RPS6KA2: variants seen among roughly 807,000 people sequenced by gnomAD.
RPS6KA2 encodes ribosomal protein S6 kinase A2, also known as ribosomal protein S6 kinase alpha-2.
Under a neutral mutation model 91.8 loss-of-function variants are expected in RPS6KA2, and 42 were observed. The observed-to-expected ratio is 0.46, with a 90% CI of 0.36 to 0.59. The LOEUF (loss-of-function observed/expected upper bound fraction) is 0.59. RPS6KA2 is among the 20% of genes least tolerant of loss of function. The pLI is 0.00. For synonymous variants in RPS6KA2, 414 were observed against 393.6 expected, an observed-to-expected ratio of 1.05 and a Z score of -0.61; for missense variants, 798 against 978.5, an observed-to-expected ratio of 0.82 and a Z score of 2.46.
chr6:166,464,185 G>A lies in RPS6KA2; in HGVS notation c.973-4634C>T, dbSNP rs545822287. ...TCCACTTGTGGGCAAGAAGACCAAA[G>A]TGGCCTGAAGACCCGGAACCCACCC... is the stretch of plus-strand genomic sequence containing the variant. On this transcript the variant is annotated intron_variant, in intron 11 of 20. Transcript: ENST00000265678. Among the ~76,000 whole-genome samples, 62 of 152,216 alleles carry A rather than the reference G, an allele frequency of 4.1e-4. No homozygotes were observed. In the South Asian group the frequency reaches 8.3e-3, roughly 20 times the overall value.
chr6:166,541,470 C>G (rs1277239230), intron 1 of RPS6KA2, among the ~76,000 whole-genome samples: 1 of 152,202 alleles, frequency 6.6e-6, no homozygotes, highest in African/African-American at 2.4e-5. Flanking sequence ...CCCTTCACTG[C>G]CTTTGTGGGA....
At chr6:166,486,782 C>T (rs147140328) in intron 10 of RPS6KA2, among the ~76,000 whole-genome samples, 355 of 152,034 alleles carry the variant, frequency 2.3e-3, no homozygotes, top group African/African-American at 7.9e-3. Context: ...TAGACCCTGG[C>T]CCTTCCATGT....
At chr6:166,712,305 G>A (rs1242146085) in intron 2 of RPS6KA2, among the ~76,000 whole-genome samples, 1 of 152,218 alleles carries the variant, frequency 6.6e-6, no homozygotes, top group African/African-American at 2.4e-5. Flanking sequence ...GCAGGCAGAA[G>A]GAGCTCTCAA....
intron 2 of RPS6KA2, among the ~76,000 whole-genome samples, chr6:166,700,728 T>C (rs1211688698): frequency 6.6e-6 from 1 of 152,180 alleles, no homozygotes; most frequent in Non-Finnish European, 1.5e-5. Flanking sequence ...GAACAATCTA[T>C]TTGATGAATT....
chr6:166,642,201 A>G (rs1787460243), intron 2 of RPS6KA2, among the ~76,000 whole-genome samples: 1 of 152,234 alleles, frequency 6.6e-6, no homozygotes, highest in African/African-American at 2.4e-5. Context: ...AATTACTGTC[A>G]GCTACCATCT....
chr6:166,478,415 G>A (rs184111150), intron 10 of RPS6KA2, among the ~76,000 whole-genome samples: 58 of 152,246 alleles, frequency 3.8e-4, no homozygotes, highest in Non-Finnish European at 5.4e-4. Context: ...ATCAGACCCC[G>A]GGCAAGGCGG....
chr6:166,436,385 C>T lies in RPS6KA2; in HGVS notation c.1333-3895G>A, dbSNP rs9355579. Among the ~76,000 whole-genome samples, 48 of 151,618 alleles carry T rather than the reference C, an allele frequency of 3.2e-4. No individual in the cohort carries two copies. The East Asian group carries it at 5.1e-3, about 16-fold the overall frequency. ...AACCCAGAGGCCTTAATTAAAGGATCGTTTGCAAAGGAGTAGAGTGGCTGG... is the reference window on the plus strand; with the variant it reads ...AACCCAGAGGCCTTAATTAAAGGATTGTTTGCAAAGGAGTAGAGTGGCTGG... On this transcript the variant is annotated intron_variant, in intron 14 of 20. Transcript: ENST00000265678.
intron 2 of RPS6KA2, among the ~76,000 whole-genome samples, chr6:166,689,564 T>C (rs1043648605): frequency 6.6e-6 from 1 of 152,128 alleles, no homozygotes; most frequent in African/African-American, 2.4e-5. Context: ...TTCTCCCCAC[T>C]GGATTCGTAG....
chr6:166,862,734 C>G (rs866284526), upstream of RPS6KA2: 1 of 151,042 alleles, frequency 6.6e-6, no homozygotes, highest in South Asian at 2.1e-4. Flanking sequence ...CTTTCCCCCC[C>G]ACCCCCAGCA....
At chr6:166,464,586 G>A (rs1368287904) in intron 11 of RPS6KA2, among the ~76,000 whole-genome samples, 5 of 152,166 alleles carry the variant, frequency 3.3e-5, no homozygotes, top group African/African-American at 9.7e-5. Flanking sequence ...TGCAAGGGAC[G>A]CCAGGCTGGG....
Position 166,689,489 on chromosome 6 carries a change from G to A in RPS6KA2, c.124-150705C>T, listed in dbSNP as rs77274153. Among the ~76,000 whole-genome samples, 811 of 152,324 alleles carry A rather than the reference G, an allele frequency of 5.3e-3. 7 individuals are homozygous for A. The highest frequency in any genetic ancestry group is 0.019 in the African/African-American group (778 of 41,578). Reference sequence around the variant, plus strand: ...AAAATAAGTAAGGATCCCGAGGAAAGTGTTGGTTAAACTGAGCATGGCCAG... The same window carrying A: ...AAAATAAGTAAGGATCCCGAGGAAAATGTTGGTTAAACTGAGCATGGCCAG... On this transcript the variant is annotated intron_variant, in intron 2 of 21. Coordinates refer to the RPS6KA2 transcript ENST00000503859.
At chr6:166,587,627 C>A (rs1785220043) in intron 1 of RPS6KA2, among the ~76,000 whole-genome samples, 1 of 110,178 alleles carries the variant, frequency 9.1e-6, no homozygotes. Context: ...TTGAAGTCTG[C>A]CATTGGAAAA....
Position 166,412,453 on chromosome 6 carries a change from A to C in RPS6KA2, c.*309T>G. On this transcript the variant is annotated 3_prime_UTR_variant, in exon 21 of 21. Coordinates refer to ENST00000265678, the MANE Select transcript of RPS6KA2 (RefSeq NM_021135.6). This position sits in a 1 kb window ranked among gnomAD's most constrained non-coding sequence, Gnocchi z 4.3. ...AGATCTCTCGGCAGAAACAGAAGCC[A>C]TGTATGAGAGGACCCGCGGGCTCTG... The C allele has an allele frequency of 4.7e-6, 1 of 211,322 alleles. No homozygotes were observed. The highest frequency in any genetic ancestry group is 9.5e-6 in the Non-Finnish European group (1 of 105,698). The allele number at this position is 211,322 out of a possible 1,614,324, so 13.1% of individuals were successfully genotyped here.
At chr6:166,762,183 C>T (rs1254102394) in intron 2 of RPS6KA2, among the ~76,000 whole-genome samples, 1 of 152,188 alleles carries the variant, frequency 6.6e-6, no homozygotes, top group Non-Finnish European at 1.5e-5. Context: ...GGCCACACAT[C>T]CCAGGCACTA....
chr6:166,444,058 T>C (rs183001448), intron 14 of RPS6KA2, among the ~76,000 whole-genome samples: 1 of 152,356 alleles, frequency 6.6e-6, no homozygotes, highest in African/African-American at 2.4e-5. Flanking sequence ...CTTCCATTTA[T>C]ACAAATCAGC....
chr6:166,651,643 G>T (rs1384467841), intron 2 of RPS6KA2, among the ~76,000 whole-genome samples: 1 of 152,240 alleles, frequency 6.6e-6, no homozygotes, highest in Non-Finnish European at 1.5e-5. Flanking sequence ...GTGATTAAAT[G>T]TGCCACATGC....
At position 166,740,851 on chromosome 6, in the gene RPS6KA2, T is replaced by C. The variant is rs74795244; in HGVS notation, c.123+117349A>G. Among the ~76,000 whole-genome samples the C allele has an allele frequency of 7.1e-3, 1,078 of 152,388 alleles. 13 individuals are homozygous for C. Among genetic ancestry groups the C allele is most frequent in the African/African-American group, 0.024 (1,007 of 41,594 alleles). On this transcript the variant is annotated intron_variant, in intron 2 of 21. Coordinates refer to the RPS6KA2 transcript ENST00000503859. ...CTCACCAGTAACAGGAAAATGCAGA[T>C]GAAAATATTCCATGCATTGCGTGGG...
intron 2 of RPS6KA2, among the ~76,000 whole-genome samples, chr6:166,721,146 G>T (rs1408462523): frequency 2.0e-5 from 3 of 152,198 alleles, no homozygotes; most frequent in African/African-American, 7.2e-5. Context: ...CTGTCACTCA[G>T]ATTGGTGTGT....
intron 2 of RPS6KA2, among the ~76,000 whole-genome samples, chr6:166,656,538 T>G (rs151064774): frequency 6.6e-6 from 1 of 152,326 alleles, no homozygotes; most frequent in Non-Finnish European, 1.5e-5. Context: ...CAGCAGGGCC[T>G]CGGCAGGTGG....
Sources: gnomAD v4.1 joint callset for allele counts (sites outside exome capture counted in the v4.1 genomes callset) on GRCh38, gnomAD v4.1.1 for gene constraint, Gnocchi (gnomAD v3.1) non-coding constraint, MANE v1.5 for transcripts, NCBI Gene and HGNC (gene_info 2026-07-23, HGNC 2026-07-21) for gene names.